CPA3: variants seen among roughly 807,000 people sequenced by gnomAD.
CPA3 encodes carboxypeptidase A3, also known as mast cell carboxypeptidase A.
In CPA3, 52 loss-of-function variants were observed where a neutral mutation model predicts 55.8. The ratio of observed to expected loss-of-function variants is 0.93; its 90% CI spans 0.75 to 1.17. The LOEUF is 1.17. Among genes scored for constraint, CPA3 ranks in the 50% most tolerant of loss-of-function variants. CPA3 has a pLI of 0.00. For missense variants in CPA3, 547 were observed against 509.1 expected (o/e 1.07, Z -0.72); for synonymous variants, 179 against 171.2 (o/e 1.05, Z -0.36).
intron 9 of CPA3, among the ~76,000 whole-genome samples, chr3:148,885,618 G>A (rs1250392790): frequency 6.6e-6 from 1 of 151,782 alleles, no homozygotes; most frequent in Non-Finnish European, 1.5e-5. Context: ...CACCATGCTA[G>A]CCAGGATGGT....
intron 6 of CPA3, among the ~76,000 whole-genome samples, chr3:148,880,418 G>T: frequency 6.7e-6 from 1 of 149,862 alleles, no homozygotes; most frequent in Non-Finnish European, 1.5e-5. Flanking sequence ...TGCAACCTCC[G>T]CCTCCTGGGT....
At chr3:148,865,669 G>A (rs550866431) in intron 2 of CPA3, 121 bp downstream of exon 2, 1 of 909,550 alleles carries the variant, frequency 1.1e-6, no homozygotes, top group East Asian at 2.6e-5. Flanking sequence ...GAAAGCAGGA[G>A]CTATCTGGAT....
At chr3:148,881,391 A>T in intron 6 of CPA3, 131 bp from the exon 7 acceptor site, 2 of 585,978 alleles carry the variant, frequency 3.4e-6, no homozygotes, top group Non-Finnish European at 3.0e-6. Context: ...ATTTTTGTTC[A>T]TTTTAGGGAA....
chr3:148,875,096 G>A (rs912923684), intron 3 of CPA3, among the ~76,000 whole-genome samples: 1 of 152,206 alleles, frequency 6.6e-6, no homozygotes, highest in African/African-American at 2.4e-5. Context: ...TGGAACCCAA[G>A]AAGGTCTGAA....
rs1008196246 is a variant in CPA3, at chr3:148,885,062, T to G, written c.982-1031T>G. Among the ~76,000 whole-genome samples the G allele has an allele frequency of 2.6e-5, 4 of 152,154 alleles. No homozygotes were observed. In the East Asian group the frequency reaches 7.7e-4, roughly 29 times the overall value. Reference sequence around the variant, plus strand: ...ACTCTCATAGCACAAAACACTAACGTGTATTAAAAGGTCATGACAAAATGC... The same window carrying G: ...ACTCTCATAGCACAAAACACTAACGGGTATTAAAAGGTCATGACAAAATGC... On this transcript the variant is annotated intron_variant, in intron 9 of 10. Coordinates refer to ENST00000296046, the MANE Select transcript of CPA3 (RefSeq NM_001870.4).
chr3:148,897,138 TAATC>T lies in CPA3; in HGVS notation c.*435_*438del, dbSNP rs1200806190. The stretch of plus-strand genomic sequence containing the variant: ...TCTCTGTATTTCTCTATAGCATTAA[TAATC>T]AATATTAATGCCATTCATTCAGTCT... On this transcript the variant is annotated 3_prime_UTR_variant, in exon 11 of 11. Coordinates refer to ENST00000296046, the MANE Select transcript of CPA3 (RefSeq NM_001870.4). 1 of 152,902 alleles carries T rather than the reference TAATC, an allele frequency of 6.5e-6. No homozygotes were observed. The highest frequency in any genetic ancestry group is 1.9e-4 in the East Asian group (1 of 5,216). 9.5% of individuals were successfully genotyped at this position (152,902 alleles called of 1,614,324 possible).
chr3:148,865,851 CG>C (rs1713887834), intron 2 of CPA3, among the ~76,000 whole-genome samples: 1 of 152,138 alleles, frequency 6.6e-6, no homozygotes, highest in African/African-American at 2.4e-5. Context: ...CTCTTGCCTA[CG>C]GGTGCCATTC....
chr3:148,883,093 A>G (rs529879183), intron 8 of CPA3, among the ~76,000 whole-genome samples: 11 of 152,212 alleles, frequency 7.2e-5, no homozygotes, highest in Non-Finnish European at 1.6e-4. Context: ...CACACTTTCA[A>G]GGAGAAATTA....
At chr3:148,885,514 G>A (rs1398859635) in intron 9 of CPA3, among the ~76,000 whole-genome samples, 2 of 145,388 alleles carry the variant, frequency 1.4e-5, no homozygotes, top group East Asian at 2.1e-4. Flanking sequence ...TGGTTCAAGC[G>A]ATTCTCCTGC....
intron 10 of CPA3, among the ~76,000 whole-genome samples, chr3:148,889,382 A>T (rs1714610856): frequency 6.6e-6 from 1 of 152,202 alleles, no homozygotes; most frequent in Non-Finnish European, 1.5e-5. Context: ...AGACAGAAAA[A>T]AAAGGACTGG....
At chr3:148,890,285 T>G (rs994892034) in intron 10 of CPA3, among the ~76,000 whole-genome samples, 1 of 152,204 alleles carries the variant, frequency 6.6e-6, no homozygotes, top group Non-Finnish European at 1.5e-5. Context: ...TAACTAAACA[T>G]AGTACCTAGT....
chr3:148,865,489 G>C lies in CPA3; in HGVS notation c.85G>C (p.Val29Leu). The change falls in exon 2 of 11, where the codon GTG becomes CTG. Residue 29 changes from valine (V) to leucine (L), a missense_variant. Val to Leu is a conservative substitution (Grantham distance 32). Coordinates refer to ENST00000296046, the MANE Select transcript of CPA3 (RefSeq NM_001870.4). ...VRFDREKVFR[V>L]KPQDEKQADI... ...TCCACAAAGGGAGAAGGTGTTCCGC[G>C]TGAAGCCCCAGGATGAAAAACAAGC... 1 of 1,613,668 alleles carries C rather than the reference G, an allele frequency of 6.2e-7. No homozygotes were observed.
chr3:148,886,202 A>G, intron 10 of CPA3, 25 bp downstream of exon 10: 2 of 1,486,860 alleles, frequency 1.3e-6, no homozygotes, highest in African/African-American at 2.8e-5. Context: ...TTATTTACTG[A>G]GCCCTTTTCC....
chr3:148,879,884 T>C lies in CPA3; in HGVS notation c.571T>C (p.Tyr191His), dbSNP rs1389179546. ...CCCAGCATTCTGCCAGTGGTTTGTCTATCAGGTAAGTGAATCAGAAGACTC... is the reference window on the plus strand; with the variant it reads ...CCCAGCATTCTGCCAGTGGTTTGTCCATCAGGTAAGTGAATCAGAAGACTC... ...VSPAFCQWFV[Y>H]QATKTYGRNK... Residue 191 changes from tyrosine (Y) to histidine (H), a missense_variant, in exon 6 of 11, where the codon TAT becomes CAT. Physicochemically the swap from Tyr to His is moderately conservative, Grantham distance 83. Transcript: ENST00000296046. The C allele has an allele frequency of 6.2e-7, 1 of 1,609,072 alleles. No homozygotes were observed. Among genetic ancestry groups the C allele is most frequent in the Admixed American group, 1.7e-5 (1 of 59,960 alleles).
At chr3:148,870,633 C>T (rs1714037279) in intron 3 of CPA3, among the ~76,000 whole-genome samples, 1 of 151,980 alleles carries the variant, frequency 6.6e-6, no homozygotes, top group Non-Finnish European at 1.5e-5. Flanking sequence ...TCACGCTGTG[C>T]ACATGTACCC....
chr3:148,868,642 G>A (rs186360504), intron 2 of CPA3, among the ~76,000 whole-genome samples: 1 of 150,604 alleles, frequency 6.6e-6, no homozygotes, highest in Non-Finnish European at 1.5e-5. Flanking sequence ...TTAACCAAAA[G>A]ATCTGCCCAT....
chr3:148,870,542 T>C (rs573263334), intron 3 of CPA3, among the ~76,000 whole-genome samples: 1 of 152,334 alleles, frequency 6.6e-6, no homozygotes, highest in African/African-American at 2.4e-5. Context: ...GTGATGGTTA[T>C]TGATGACTTT....
chr3:148,881,387 G>T (rs556221114), intron 6 of CPA3, 135 bp from the exon 7 acceptor site: 19 of 569,424 alleles, frequency 3.3e-5, no homozygotes, highest in African/African-American at 1.7e-4. Context: ...GTTTATTTTT[G>T]TTCATTTTAG....
At chr3:148,873,985 A>G (rs1714141624) in intron 3 of CPA3, among the ~76,000 whole-genome samples, 1 of 152,224 alleles carries the variant, frequency 6.6e-6, no homozygotes, top group Non-Finnish European at 1.5e-5. Flanking sequence ...GGAGCTCAAA[A>G]TAATATTTGA....
Sources: gnomAD v4.1 joint callset for allele counts (sites outside exome capture counted in the v4.1 genomes callset) on GRCh38, gnomAD v4.1.1 for gene constraint, MANE v1.5 for transcripts, NCBI Gene and HGNC (gene_info 2026-07-23, HGNC 2026-07-21) for gene names.